KIF20B: variants seen among roughly 807,000 people sequenced by gnomAD.
KIF20B encodes kinesin-like protein KIF20B.
A neutral mutation model predicts 232.5 loss-of-function variants in KIF20B; 188 were observed. The observed-to-expected ratio is 0.81, with a 90% CI of 0.72 to 0.91. The LOEUF is 0.91. Among genes scored for constraint, KIF20B ranks in the 40% least tolerant of loss-of-function variants. KIF20B has a pLI of 0.00. For synonymous variants in KIF20B, 712 were observed against 683.0 expected, an observed-to-expected ratio of 1.04 and a Z score of -0.66; for missense variants, 2,154 against 2,055.9, an observed-to-expected ratio of 1.05 and a Z score of -0.92.
At position 89,718,789 on chromosome 10, in the gene KIF20B, T is replaced by G; in HGVS notation, c.1351T>G (p.Cys451Gly). ...QSFFNGKGKI[C>G]MIVNISQCYL... ...TTTTTTTAATGGTAAAGGGAAAATT[T>G]GTATGATTGTCAATATCAGCCAATG... Residue 451 changes from cysteine to glycine, a missense_variant, in exon 12 of 33, where the codon TGT becomes GGT. Cys to Gly is a radical substitution (Grantham distance 159, BLOSUM62 -3). Coordinates refer to ENST00000371728, the MANE Select transcript of KIF20B (RefSeq NM_001284259.2). 1 of 1,610,736 alleles carries G rather than the reference T, an allele frequency of 6.2e-7. No individual in the cohort carries two copies.
chr10:89,721,557 C>A (rs1843057313), intron 13 of KIF20B, among the ~76,000 whole-genome samples: 2 of 152,092 alleles, frequency 1.3e-5, no homozygotes, highest in Admixed American at 1.3e-4. Flanking sequence ...GTAGTCCCAG[C>A]TACTTGGGAG....
At chr10:89,704,534 A>G (rs10881626) in intron 1 of KIF20B, among the ~76,000 whole-genome samples, 47,286 of 151,510 alleles carry the variant, frequency 0.31, 8,340 homozygotes, top group African/African-American at 0.47. Context: ...GAAATTGAAA[A>G]CAATTTTTCA....
intron 28 of KIF20B, 22 bp downstream of exon 28, chr10:89,760,658 C>G: frequency 1.5e-6 from 2 of 1,352,696 alleles, no homozygotes; most frequent in Non-Finnish European, 2.1e-6. Flanking sequence ...GCAGCACAGT[C>G]CACTTATTTA....
chr10:89,715,370 CTA>C (rs1164787534), intron 8 of KIF20B, among the ~76,000 whole-genome samples, 188 bp downstream of exon 8: 1 of 152,022 alleles, frequency 6.6e-6, no homozygotes, highest in Non-Finnish European at 1.5e-5. Flanking sequence ...ATAAAAGGGT[CTA>C]TTTTGGTATT....
At chr10:89,739,921 T>C (rs1177435746) in intron 21 of KIF20B, among the ~76,000 whole-genome samples, 1 of 152,216 alleles carries the variant, frequency 6.6e-6, no homozygotes, top group Non-Finnish European at 1.5e-5. Context: ...TTCACCTCTG[T>C]ATAGTATTCT....
In KIF20B at chr10:89,725,048, T is replaced by C. The variant is rs199544938; in HGVS notation, c.1891T>C (p.Leu631=). The change falls in exon 15 of 33, where the codon TTA becomes CTA. Residue 631 remains leucine (L), a synonymous_variant. Transcript: ENST00000371728. ...KETLLQEREI[L]EENAERRLAI... ...GACTCTGCTTCAAGAACGAGAGATA[T>C]TAGAAGAAAATGCTGAACGTCGTTT... The C allele has an allele frequency of 6.8e-6, 11 of 1,613,774 alleles. No individual in the cohort carries two copies. In the Admixed American group the frequency reaches 1.3e-4, roughly 20 times the overall value.
At position 89,743,907 on chromosome 10, in the gene KIF20B, C is replaced by T. The variant is rs1340241633; in HGVS notation, c.4015C>T (p.Arg1339Ter). Residue 1339 changes from arginine to a stop codon, truncating the protein, a stop_gained, in exon 22 of 33, where the codon CGA (arginine) becomes TGA (stop). Coordinates refer to ENST00000371728, the MANE Select transcript of KIF20B (RefSeq NM_001284259.2). LOFTEE classifies it high-confidence loss of function. ...QCSQELDMKQ[R>*]TIQQLKEQLN... ...TTCTCAGGAATTAGATATGAAACAG[C>T]GAACCATTCAGCAACTCAAGGTAAA... 9 of 1,583,146 alleles carry T rather than the reference C, an allele frequency of 5.7e-6. No individual in the cohort carries two copies. The highest frequency in any genetic ancestry group is 1.9e-5 in the Admixed American group (1 of 53,548).
At chr10:89,712,967 A>AACTC (rs1842863285) in intron 6 of KIF20B, among the ~76,000 whole-genome samples, 1 of 152,182 alleles carries the variant, frequency 6.6e-6, no homozygotes, top group South Asian at 2.1e-4. Flanking sequence ...GTCTGTGACT[A>AACTC]TGGTCTCTGA....
chr10:89,757,067 T>TATATATATATATATATATATATATAC, intron 26 of KIF20B, among the ~76,000 whole-genome samples: 1 of 132,066 alleles, frequency 7.6e-6, no homozygotes, highest in Non-Finnish European at 1.6e-5. Flanking sequence ...TATATATATA[T>TATATATATATATATATATATATATAC]ATACACACAT....
chr10:89,722,643 T>A (rs1843089148), intron 13 of KIF20B, among the ~76,000 whole-genome samples: 1 of 152,212 alleles, frequency 6.6e-6, no homozygotes, highest in African/African-American at 2.4e-5. Context: ...CACTCCAGCC[T>A]GGGCGACAGA....
chr10:89,756,447 T>C (rs888319622), intron 26 of KIF20B, among the ~76,000 whole-genome samples: 2 of 152,192 alleles, frequency 1.3e-5, no homozygotes, highest in African/African-American at 4.8e-5. Context: ...GGAAAGCTAG[T>C]TTACTCTTTT....
At chr10:89,711,537 A>G (rs753504040) in intron 6 of KIF20B, among the ~76,000 whole-genome samples, 40 of 152,104 alleles carry the variant, frequency 2.6e-4, no homozygotes, top group Non-Finnish European at 4.3e-4. Context: ...AAAATTATTA[A>G]TAGATTGGGA....
intron 2 of KIF20B, among the ~76,000 whole-genome samples, chr10:89,706,690 C>T (rs1477667199): frequency 6.6e-6 from 1 of 151,362 alleles, no homozygotes; most frequent in African/African-American, 2.4e-5. Flanking sequence ...AAAAGACTTT[C>T]CTTTCCCTGT....
rs1841713862 is a variant in KIF20B, at chr10:89,738,358, C to G, written c.3517C>G (p.Gln1173Glu). 6.2e-7 allele frequency: 1 copy of G among 1,609,914 alleles called. No homozygotes were observed. Among genetic ancestry groups the G allele is most frequent in the Non-Finnish European group, 8.5e-7 (1 of 1,178,674 alleles). The change falls in exon 20 of 33, where the codon CAG becomes GAG. Residue 1173 changes from glutamine (Q) to glutamate (E), a missense_variant. Physicochemically the swap from Gln to Glu is conservative, Grantham distance 29. Transcript: ENST00000371728. ...IKELETILET[Q>E]KVECSHSAKL... ...GGAACTTGAAACAATTTTAGAGACT[C>G]AGAAAGTTGAATGTAGTCATTCAGC... is the stretch of plus-strand genomic sequence containing the variant.
At position 89,757,022 on chromosome 10, in the gene KIF20B, T is replaced by TTGTGTGTGTGTGTG. The variant is rs377304425; in HGVS notation, c.4504-1678_4504-1665dup. On this transcript the variant is annotated intron_variant, in intron 26 of 32. Coordinates refer to ENST00000371728, the MANE Select transcript of KIF20B (RefSeq NM_001284259.2). ...TGGTGCACATTTGCATATATCTCTGTTGTGTGTGTGTGTGTGTGTATATAT... is the reference window on the plus strand; with the variant it reads ...TGGTGCACATTTGCATATATCTCTGTTGTGTGTGTGTGTGTGTGTGTGTGTGTGTGTGTATATAT... Among the ~76,000 whole-genome samples the TTGTGTGTGTGTGTG allele has an allele frequency of 6.3e-4, 77 of 122,768 alleles. 1 individual carries two copies. The highest frequency in any genetic ancestry group is 2.4e-3 in the African/African-American group (73 of 30,142). 80.5% of individuals were successfully genotyped at this position (122,768 alleles called of 152,430 possible). A position where few individuals can be genotyped will look rare whatever the true frequency, so the allele number is the denominator to read the frequency against.
Position 89,738,537 on chromosome 10 carries a change from A to G in KIF20B, c.3696A>G (p.Leu1232=). 1 of 1,596,050 alleles carries G rather than the reference A, an allele frequency of 6.3e-7. No individual in the cohort carries two copies. The highest frequency in any genetic ancestry group is 1.8e-5 in the Admixed American group (1 of 56,298). ...ELKLKEEITQ[L]TNNLQDMKHL... ...AGCTGAAAGAAGAAATCACACAGTT[A>G]ACAAATAATTTGCAAGATATGAAAC... Residue 1232 remains leucine, a synonymous_variant, in exon 20 of 33, where the codon TTA becomes TTG. Coordinates refer to ENST00000371728, the MANE Select transcript of KIF20B (RefSeq NM_001284259.2).
chr10:89,768,699 C>G (rs772137304), intron 30 of KIF20B, 39 bp from the exon 31 acceptor site: 1 of 1,537,254 alleles, frequency 6.5e-7, no homozygotes, highest in Admixed American at 2.1e-5. Context: ...CCTTCTAACA[C>G]TTCTCATCAA....
Position 89,768,278 on chromosome 10 carries a change from C to A in KIF20B, c.4990-12C>A. On this transcript the variant is annotated splice_polypyrimidine_tract_variant and intron_variant, in intron 29 of 32. Transcript: ENST00000371728. ...CAAGAAATTAACTGGTGCTAAAATT[C>A]ATTATTTTTAGGACTTGGTGAAATG... 1 of 1,448,790 alleles carries A rather than the reference C, an allele frequency of 6.9e-7. No homozygotes were observed. Among genetic ancestry groups the A allele is most frequent in the Non-Finnish European group, 9.5e-7 (1 of 1,052,242 alleles). The allele number at this position is 1,448,790 out of a possible 1,614,324, so 89.7% of individuals were successfully genotyped here.
At chr10:89,720,694 T>C (rs772430777) in intron 13 of KIF20B, among the ~76,000 whole-genome samples, 1 of 151,536 alleles carries the variant, frequency 6.6e-6, no homozygotes, top group Non-Finnish European at 1.5e-5. Context: ...TGTCCAATTA[T>C]AGTATTTATT....
Sources: allele counts gnomAD v4.1 joint callset (sites outside exome capture counted in the v4.1 genomes callset), GRCh38; gene constraint gnomAD v4.1.1; transcripts MANE v1.5; gene names NCBI Gene and HGNC (gene_info 2026-07-23, HGNC 2026-07-21).